CAP2: variants seen among roughly 807,000 people sequenced by gnomAD.
The protein encoded by CAP2 is adenylyl cyclase-associated protein 2.
A neutral mutation model predicts 57.7 loss-of-function variants in CAP2; 24 were observed. That is an observed-to-expected ratio of 0.42 (90% CI 0.30 to 0.58). CAP2 has a LOEUF of 0.58. Among genes scored for constraint, CAP2 ranks in the 20% least tolerant of loss-of-function variants. The probability of loss-of-function intolerance (pLI) is 0.22; values close to 1 mark genes in which losing one functional copy is unlikely to be tolerated. For synonymous variants in CAP2, 194 were observed against 207.2 expected, an observed-to-expected ratio of 0.94 and a Z score of 0.55; for missense variants, 501 against 590.3, an observed-to-expected ratio of 0.85 and a Z score of 1.57.
intron 1 of CAP2, among the ~76,000 whole-genome samples, chr6:17,404,889 G>A (rs1484828936): frequency 1.3e-5 from 2 of 151,674 alleles, no homozygotes; most frequent in African/African-American, 2.4e-5. Flanking sequence ...TTTATTCATC[G>A]TTATTGTTCT....
chr6:17,486,175 T>C (rs1314323815), intron 4 of CAP2, among the ~76,000 whole-genome samples: 1 of 151,528 alleles, frequency 6.6e-6, no homozygotes, highest in Non-Finnish European at 1.5e-5. Flanking sequence ...CAAGACCCCA[T>C]CTCTCAAAAA....
At chr6:17,411,244 G>A (rs1759135355) in intron 1 of CAP2, among the ~76,000 whole-genome samples, 1 of 152,198 alleles carries the variant, frequency 6.6e-6, no homozygotes, top group East Asian at 1.9e-4. Flanking sequence ...ATTATGAACA[G>A]TGCTGCTATG....
intron 3 of CAP2, among the ~76,000 whole-genome samples, chr6:17,443,416 G>A (rs1760149608): frequency 6.6e-6 from 1 of 152,080 alleles, no homozygotes; most frequent in African/African-American, 2.4e-5. Flanking sequence ...TTGGAAATTT[G>A]TTGTTGTTTT....
At chr6:17,542,363 G>A (rs981133644) in intron 9 of CAP2, among the ~76,000 whole-genome samples, 1 of 152,172 alleles carries the variant, frequency 6.6e-6, no homozygotes, top group African/African-American at 2.4e-5. Flanking sequence ...AAATGGTAAT[G>A]AAAGCTGGTG....
chr6:17,397,330 G>A (rs1288595949), intron 1 of CAP2, among the ~76,000 whole-genome samples: 1 of 151,962 alleles, frequency 6.6e-6, no homozygotes, highest in South Asian at 2.1e-4. Context: ...AAAGTACTGG[G>A]ATTACAGGCC....
At chr6:17,460,892 A>G (rs980383912) in intron 3 of CAP2, among the ~76,000 whole-genome samples, 2 of 152,196 alleles carry the variant, frequency 1.3e-5, no homozygotes, top group Non-Finnish European at 2.9e-5. Flanking sequence ...TCATGCCTGT[A>G]ATCCCAGCAC....
At chr6:17,497,471 T>C (rs1175561611) in intron 4 of CAP2, among the ~76,000 whole-genome samples, 1 of 152,222 alleles carries the variant, frequency 6.6e-6, no homozygotes, top group Non-Finnish European at 1.5e-5. Flanking sequence ...CTGTTATACT[T>C]ACTGTAGACA....
intron 3 of CAP2, among the ~76,000 whole-genome samples, chr6:17,439,877 T>C (rs769326640): frequency 6.6e-6 from 1 of 151,492 alleles, no homozygotes; most frequent in Non-Finnish European, 1.5e-5. Context: ...CCCCACTTCC[T>C]AACAGGCCAT....
intron 7 of CAP2, among the ~76,000 whole-genome samples, chr6:17,522,221 A>G (rs184281544): frequency 1.2e-4 from 19 of 152,338 alleles, no homozygotes; most frequent in Admixed American, 2.6e-4. Flanking sequence ...ATTTATATGC[A>G]TAGTGAAGTT....
At chr6:17,410,578 T>TC (rs1759113872) in intron 1 of CAP2, among the ~76,000 whole-genome samples, 1 of 151,954 alleles carries the variant, frequency 6.6e-6, no homozygotes, top group African/African-American at 2.4e-5. Context: ...TTTAATTTTT[T>TC]TTTTTTTTTG....
chr6:17,444,843 C>CA (rs376525304), intron 3 of CAP2, among the ~76,000 whole-genome samples: 2 of 139,632 alleles, frequency 1.4e-5, no homozygotes, highest in East Asian at 2.0e-4. Flanking sequence ...CACACACACA[C>CA]AACACGAGTC....
chr6:17,531,466 G>C (rs1762637909), intron 7 of CAP2: 1 of 1,509,420 alleles, frequency 6.6e-7, no homozygotes, highest in East Asian at 2.2e-5. Context: ...TATATTCCTT[G>C]TGATAGTGCT....
At chr6:17,476,864 C>CTTTTTTT (rs67003718) in intron 4 of CAP2, among the ~76,000 whole-genome samples, 55 of 72,444 alleles carry the variant, frequency 7.6e-4, no homozygotes, top group Non-Finnish European at 9.6e-4. Flanking sequence ...TTTCTTACTT[C>CTTTTTTT]TTTTTTTTTT....
At chr6:17,394,419 C>G (rs1406895169) in intron 1 of CAP2, among the ~76,000 whole-genome samples, 3 of 152,116 alleles carry the variant, frequency 2.0e-5, no homozygotes, top group African/African-American at 7.2e-5. Flanking sequence ...GGCCAAAAAT[C>G]AACCTGCAGA....
intron 4 of CAP2, among the ~76,000 whole-genome samples, chr6:17,489,645 C>T (rs1761501509): frequency 6.6e-6 from 1 of 151,976 alleles, no homozygotes. Flanking sequence ...CTTCCATGCA[C>T]CTCTCTGCTT....
rs576124222 is a variant in CAP2, at chr6:17,450,201, A to G, written c.223-12795A>G. Reference sequence around the variant, plus strand: ...CGAGTAGCTGGGACTACAGGCGCCCACCACCACAGCCGGCAAATTTTTGGT... The same window carrying G: ...CGAGTAGCTGGGACTACAGGCGCCCGCCACCACAGCCGGCAAATTTTTGGT... On this transcript the variant is annotated intron_variant, in intron 3 of 12. Coordinates refer to ENST00000229922, the MANE Select transcript of CAP2 (RefSeq NM_006366.3). 5.9e-3 allele frequency among the ~76,000 whole-genome samples: 899 copies of G among 151,774 alleles called. 9 individuals are homozygous for G. Among genetic ancestry groups the G allele is most frequent in the African/African-American group, 0.021 (869 of 41,306 alleles).
At chr6:17,461,280 G>T (rs955906884) in intron 3 of CAP2, among the ~76,000 whole-genome samples, 1 of 150,876 alleles carries the variant, frequency 6.6e-6, no homozygotes, top group African/African-American at 2.4e-5. Flanking sequence ...AGTCTGAAGC[G>T]CAGTAGCACA....
intron 1 of CAP2, among the ~76,000 whole-genome samples, chr6:17,409,275 G>C (rs537777057): frequency 6.6e-6 from 1 of 151,952 alleles, no homozygotes; most frequent in African/African-American, 2.4e-5. Context: ...GGGAGGCTGG[G>C]GCAGAAGAAT....
intron 11 of CAP2, among the ~76,000 whole-genome samples, chr6:17,550,110 T>TTTGGGTTACTCCCAAA (rs1406403485): frequency 3.3e-5 from 5 of 152,156 alleles, no homozygotes; most frequent in Non-Finnish European, 7.3e-5. Flanking sequence ...GGCTCACACC[T>TTTGGGTTACTCCCAAA]GTAATCCCAG....
Sources: gnomAD v4.1 joint callset for allele counts (sites outside exome capture counted in the v4.1 genomes callset) on GRCh38, gnomAD v4.1.1 for gene constraint, MANE v1.5 for transcripts, NCBI Gene and HGNC (gene_info 2026-07-23, HGNC 2026-07-21) for gene names.